Variants in SEMA3A observed in about 807,000 individuals in gnomAD.
SEMA3A encodes semaphorin-3A.
Under a neutral mutation model 97.9 loss-of-function variants are expected in SEMA3A, and 29 were observed. The observed-to-expected ratio is 0.30, with a 90% CI of 0.22 to 0.40. SEMA3A has a LOEUF of 0.40. SEMA3A is among the 10% of genes least tolerant of loss of function. SEMA3A has a pLI of 1.00. For missense variants in SEMA3A, 763 were observed against 951.3 expected (o/e 0.80, Z 2.60); for synonymous variants, 321 against 323.7 (o/e 0.99, Z 0.09).
chr7:84,411,390 C>T (rs1804261060), intron 1 of SEMA3A, among the ~76,000 whole-genome samples: 1 of 152,014 alleles, frequency 6.6e-6, no homozygotes, highest in Admixed American at 6.6e-5. Flanking sequence ...CTCAGGGATG[C>T]TAGAATGCTG....
At chr7:84,064,019 GAA>G (rs1389983424) in intron 4 of SEMA3A, among the ~76,000 whole-genome samples, 2 of 151,968 alleles carry the variant, frequency 1.3e-5, no homozygotes, top group African/African-American at 4.8e-5. Flanking sequence ...CAGCCAGAGA[GAA>G]AGGTCGGGTT....
At chr7:84,342,462 A>G (rs989132266) in intron 2 of SEMA3A, among the ~76,000 whole-genome samples, 3 of 152,362 alleles carry the variant, frequency 2.0e-5, no homozygotes, top group African/African-American at 4.8e-5. Context: ...ATGAAAATTG[A>G]AGAAATTAAA....
At chr7:84,472,156 T>G (rs981535156) in intron 1 of SEMA3A, among the ~76,000 whole-genome samples, 3 of 152,130 alleles carry the variant, frequency 2.0e-5, no homozygotes, top group Non-Finnish European at 2.9e-5. Context: ...TGTATGTGAT[T>G]ACATGTCCAT....
chr7:84,140,238 T>C (rs1232977291), intron 1 of SEMA3A, among the ~76,000 whole-genome samples: 1 of 152,138 alleles, frequency 6.6e-6, no homozygotes, highest in Non-Finnish European at 1.5e-5. Context: ...TTCTTTAGGA[T>C]GAACACAGAT....
chr7:84,327,140 T>A (rs1480551518), intron 2 of SEMA3A, among the ~76,000 whole-genome samples: 1 of 151,940 alleles, frequency 6.6e-6, no homozygotes, highest in Admixed American at 6.6e-5. Context: ...ATATGCAAAA[T>A]CTGTTGATGA....
intron 1 of SEMA3A, among the ~76,000 whole-genome samples, chr7:84,416,663 T>G (rs904476319): frequency 4.6e-5 from 7 of 152,160 alleles, no homozygotes; most frequent in Non-Finnish European, 7.4e-5. Flanking sequence ...CAAACATGAA[T>G]CTTGGGTTTC....
At position 84,060,453 on chromosome 7, in the gene SEMA3A, T is replaced by C. The variant is rs1793169984; in HGVS notation, c.547+12A>G. The C allele has an allele frequency of 2.0e-6, 3 of 1,525,094 alleles. No homozygotes were observed. Among genetic ancestry groups the C allele is most frequent in the Admixed American group, 2.1e-5 (1 of 47,080 alleles). 94.5% of individuals were successfully genotyped at this position (1,525,094 alleles called of 1,614,324 possible). On this transcript the variant is annotated intron_variant, in intron 5 of 16. Transcript: ENST00000265362. Reference sequence around the variant, plus strand: ...AGAAAACTCACTATTTAATTGATTGTTGACTACGCACCTATTAAAAGGGAT... The same window carrying C: ...AGAAAACTCACTATTTAATTGATTGCTGACTACGCACCTATTAAAAGGGAT...
chr7:84,003,839 A>G (rs1377652324), intron 11 of SEMA3A, among the ~76,000 whole-genome samples: 1 of 121,836 alleles, frequency 8.2e-6, no homozygotes, highest in Non-Finnish European at 1.7e-5. Flanking sequence ...ATAACCAGAA[A>G]TTGATACTTG....
chr7:83,980,623 A>AAAAAAAAAAAATAT (rs1310318006), intron 14 of SEMA3A, among the ~76,000 whole-genome samples: 28 of 71,746 alleles, frequency 3.9e-4, no homozygotes, highest in African/African-American at 1.0e-3. Context: ...AAAAAAAAAA[A>AAAAAAAAAAAATAT]ATATATATAT....
In SEMA3A at chr7:84,166,567, G is replaced by A. The variant is rs541673754; in HGVS notation, c.112+27908C>T. 1.4e-4 allele frequency among the ~76,000 whole-genome samples: 12 copies of A among 83,026 alleles called. No homozygotes were observed. In the South Asian group the frequency reaches 1.6e-3, roughly 11 times the overall value. 54.5% of individuals were successfully genotyped at this position (83,026 alleles called of 152,430 possible). A position where few individuals can be genotyped will look rare whatever the true frequency, so the allele number is the denominator to read the frequency against. On this transcript the variant is annotated intron_variant, in intron 1 of 16. Coordinates refer to ENST00000265362, the MANE Select transcript of SEMA3A (RefSeq NM_006080.3). ...GCCTGGGCAACAAGAGCAAAACTCC[G>A]TCAAAAAAAAAAAAAAAATTGCCGG...
intron 1 of SEMA3A, among the ~76,000 whole-genome samples, chr7:84,467,411 A>G (rs996609765): frequency 6.6e-6 from 1 of 151,474 alleles, no homozygotes; most frequent in African/African-American, 2.4e-5. Flanking sequence ...AGTCTCAGCT[A>G]CTTGGGAGGC....
At chr7:84,273,829 C>A (rs969638496) in intron 3 of SEMA3A, among the ~76,000 whole-genome samples, 1 of 152,034 alleles carries the variant, frequency 6.6e-6, no homozygotes. Flanking sequence ...AACAATCCTA[C>A]GTTTCTTTTA....
At chr7:84,445,244 C>T (rs182079591) in intron 1 of SEMA3A, among the ~76,000 whole-genome samples, 105 of 151,786 alleles carry the variant, frequency 6.9e-4, no homozygotes, top group Admixed American at 2.2e-3. Context: ...GTAATACCAG[C>T]ATTTTGGGAG....
intron 1 of SEMA3A, among the ~76,000 whole-genome samples, chr7:84,444,546 ATTTTC>A (rs1251331021): frequency 6.7e-6 from 1 of 148,386 alleles, no homozygotes; most frequent in African/African-American, 2.5e-5. Flanking sequence ...GCTTACAGTG[ATTTTC>A]TTTTCTTTTT....
chr7:84,225,137 T>G (rs566351513), intron 3 of SEMA3A, among the ~76,000 whole-genome samples: 6 of 152,276 alleles, frequency 3.9e-5, no homozygotes, highest in African/African-American at 1.4e-4. Flanking sequence ...TACACATCAG[T>G]GACTTCTAAT....
intron 3 of SEMA3A, among the ~76,000 whole-genome samples, chr7:84,280,071 T>C (rs1339496561): frequency 6.6e-6 from 1 of 152,074 alleles, no homozygotes; most frequent in Non-Finnish European, 1.5e-5. Flanking sequence ...CTGATTTTTG[T>C]ATTTTTTTGG....
At chr7:83,997,418 TAAAC>T (rs1429732137) in intron 12 of SEMA3A, among the ~76,000 whole-genome samples, 6 of 152,306 alleles carry the variant, frequency 3.9e-5, no homozygotes, top group African/African-American at 1.2e-4. Flanking sequence ...ACTGTAAAAT[TAAAC>T]AAAGTTTGAC....
chr7:84,474,105 T>C (rs548963370), intron 1 of SEMA3A, among the ~76,000 whole-genome samples: 12 of 152,148 alleles, frequency 7.9e-5, no homozygotes, highest in Non-Finnish European at 1.5e-4. Flanking sequence ...TGGAAATAAG[T>C]TTCTTTCTGT....
chr7:84,106,579 A>C (rs193014292), intron 4 of SEMA3A, among the ~76,000 whole-genome samples: 169 of 152,342 alleles, frequency 1.1e-3, no homozygotes, highest in African/African-American at 3.9e-3. Context: ...CTATTTTCAT[A>C]ACTAGAAGAC....
Sources: allele counts gnomAD v4.1 joint callset (sites outside exome capture counted in the v4.1 genomes callset), GRCh38; gene constraint gnomAD v4.1.1; transcripts MANE v1.5; gene names NCBI Gene and HGNC (gene_info 2026-07-23, HGNC 2026-07-21).